Variants in FBXW7 observed in about 807,000 individuals in gnomAD.
The protein encoded by FBXW7 is F-box/WD repeat-containing protein 7.
A neutral mutation model predicts 86.3 loss-of-function variants in FBXW7; 11 were observed. That is an observed-to-expected ratio of 0.13 (90% CI 0.08 to 0.21). The LOEUF (loss-of-function observed/expected upper bound fraction) is 0.21. Ranked by LOEUF, FBXW7 falls within the 10% of genes least tolerant of loss-of-function variation. The probability of loss-of-function intolerance (pLI) is 1.00; values close to 1 mark genes in which losing one functional copy is unlikely to be tolerated. For missense variants in FBXW7, 488 were observed against 847.4 expected (o/e 0.58, Z 5.27); for synonymous variants, 313 against 297.9 (o/e 1.05, Z -0.52).
At chr4:152,467,796 A>T (rs981161403) in intron 2 of FBXW7, among the ~76,000 whole-genome samples, 7 of 152,200 alleles carry the variant, frequency 4.6e-5, no homozygotes, top group African/African-American at 1.7e-4. Context: ...CAAAAGAACA[A>T]GCAACAAAAA....
chr4:152,330,612 A>G, intron 9 of FBXW7, 120 bp downstream of exon 9: 2 of 818,716 alleles, frequency 2.4e-6, no homozygotes, highest in East Asian at 3.0e-5. Context: ...TTATTTTAAA[A>G]TATACGGTTT....
intron 4 of FBXW7, among the ~76,000 whole-genome samples, chr4:152,355,169 T>A (rs928576742): frequency 6.6e-6 from 1 of 152,172 alleles, no homozygotes; most frequent in African/African-American, 2.4e-5. Context: ...ACTGTCATCA[T>A]AATCTTAATA....
In FBXW7 at chr4:152,382,006, C is replaced by T. The variant is rs574353397; in HGVS notation, c.501+29297G>A. Among the ~76,000 whole-genome samples, 5 of 152,164 alleles carry T rather than the reference C, an allele frequency of 3.3e-5. No individual in the cohort carries two copies. The South Asian group carries it at 1.0e-3, about 32-fold the overall frequency. ...AGAGAAAAAGGTGAACTGGGTAACC[C>T]TATCTTCTAGGCTCTATATCATATT... On this transcript the variant is annotated intron_variant, in intron 4 of 13. Transcript: ENST00000281708.
intron 2 of FBXW7, among the ~76,000 whole-genome samples, chr4:152,513,817 GTT>G (rs1377854516): frequency 5.3e-5 from 8 of 152,200 alleles, no homozygotes; most frequent in Admixed American, 5.2e-4. Context: ...TCAAACAGTT[GTT>G]AAAGACAATT....
intron 2 of FBXW7, among the ~76,000 whole-genome samples, chr4:152,460,198 T>A (rs1742815273): frequency 6.6e-6 from 1 of 152,178 alleles, no homozygotes; most frequent in Non-Finnish European, 1.5e-5. Flanking sequence ...AATTAAACAA[T>A]AACCTTAATG....
At chr4:152,406,624 C>T (rs1737442225) in intron 4 of FBXW7, among the ~76,000 whole-genome samples, 2 of 152,022 alleles carry the variant, frequency 1.3e-5, no homozygotes, top group Non-Finnish European at 2.9e-5. Context: ...TATACAGAAG[C>T]TTTAGTTAAA....
chr4:152,396,058 T>C (rs956199409), intron 4 of FBXW7, among the ~76,000 whole-genome samples: 1 of 152,002 alleles, frequency 6.6e-6, no homozygotes, highest in Non-Finnish European at 1.5e-5. Context: ...TTCATTCATA[T>C]CAATTAACTT....
At chr4:152,491,600 T>C (rs1579341329) in intron 2 of FBXW7, among the ~76,000 whole-genome samples, 1 of 152,024 alleles carries the variant, frequency 6.6e-6, no homozygotes, top group Non-Finnish European at 1.5e-5. Flanking sequence ...GAGAAAGGAG[T>C]GCTGAATCAG....
chr4:152,419,896 AT>A (rs897277841), intron 2 of FBXW7, among the ~76,000 whole-genome samples: 1 of 152,072 alleles, frequency 6.6e-6, no homozygotes, highest in Non-Finnish European at 1.5e-5. Flanking sequence ...AGTGAGTCCA[AT>A]TTTTTTGCCG....
At chr4:152,359,231 G>A (rs1732690507) in intron 4 of FBXW7, among the ~76,000 whole-genome samples, 1 of 152,066 alleles carries the variant, frequency 6.6e-6, no homozygotes, top group Admixed American at 6.6e-5. Flanking sequence ...CCCAATATCT[G>A]CGAAATGCTA....
At chr4:152,448,736 C>G (rs896860371) in intron 2 of FBXW7, among the ~76,000 whole-genome samples, 1 of 152,250 alleles carries the variant, frequency 6.6e-6, no homozygotes, top group Non-Finnish European at 1.5e-5. Context: ...AACAGCTTTG[C>G]TACAGAAGAT....
At chr4:152,384,345 T>C (rs186771507) in intron 4 of FBXW7, among the ~76,000 whole-genome samples, 2 of 152,174 alleles carry the variant, frequency 1.3e-5, no homozygotes, top group African/African-American at 4.8e-5. Context: ...ATTATTCAGC[T>C]CTGAAAAAGA....
chr4:152,458,450 A>G (rs1742640914), intron 2 of FBXW7, among the ~76,000 whole-genome samples: 1 of 152,230 alleles, frequency 6.6e-6, no homozygotes, highest in East Asian at 1.9e-4. Context: ...CTAACTCTCA[A>G]GAGGTAGAAG....
At chr4:152,421,460 A>C (rs1738930737) in intron 2 of FBXW7, among the ~76,000 whole-genome samples, 3 of 152,152 alleles carry the variant, frequency 2.0e-5, no homozygotes, top group Admixed American at 2.0e-4. Context: ...CACTTGAGGA[A>C]GCCGAGGTGG....
At chr4:152,353,565 T>C (rs1047497093) in intron 4 of FBXW7, among the ~76,000 whole-genome samples, 1 of 152,184 alleles carries the variant, frequency 6.6e-6, no homozygotes, top group Admixed American at 6.6e-5. Context: ...GGCTATTTTA[T>C]CCCCAAAAGA....
chr4:152,435,898 C>T (rs1470157692), intron 2 of FBXW7, among the ~76,000 whole-genome samples: 2 of 152,040 alleles, frequency 1.3e-5, no homozygotes, highest in Non-Finnish European at 2.9e-5. Flanking sequence ...TTATGATGAT[C>T]AATGATCAGT....
At position 152,330,750 on chromosome 4, in the gene FBXW7, T is replaced by C. The variant is rs1261451233; in HGVS notation, c.1104A>G (p.Gly368=). The C allele has an allele frequency of 6.2e-7, 1 of 1,612,202 alleles. No individual in the cohort carries two copies. The highest frequency in any genetic ancestry group is 1.3e-5 in the African/African-American group (1 of 74,816). ...QHRIDTNWRR[G]ELKSPKVLKG... ...CAGTTACCTTAGGAGATTTGAGTTCTCCTCGCCTCCAGTTAGTATCAATTC... is the reference window on the plus strand; with the variant it reads ...CAGTTACCTTAGGAGATTTGAGTTCCCCTCGCCTCCAGTTAGTATCAATTC... Residue 368 remains glycine (G), a synonymous_variant, in exon 9 of 14, where the codon GGA becomes GGG. Transcript: ENST00000281708.
intron 2 of FBXW7, among the ~76,000 whole-genome samples, chr4:152,491,486 T>C (rs1266633017): frequency 6.6e-6 from 1 of 152,060 alleles, no homozygotes; most frequent in East Asian, 1.9e-4. Flanking sequence ...AACTAGTGAG[T>C]GTTCTGAATC....
intron 4 of FBXW7, among the ~76,000 whole-genome samples, chr4:152,378,905 C>T (rs933761871): frequency 6.6e-6 from 1 of 152,100 alleles, no homozygotes; most frequent in African/African-American, 2.4e-5. Flanking sequence ...ACTTGGGAGG[C>T]TGAGGTGGGA....
Sources: gnomAD v4.1 joint callset for allele counts (sites outside exome capture counted in the v4.1 genomes callset) on GRCh38, gnomAD v4.1.1 for gene constraint, MANE v1.5 for transcripts, NCBI Gene and HGNC (gene_info 2026-07-23, HGNC 2026-07-21) for gene names.